Variants in ZNF280D observed in about 807,000 individuals in gnomAD.
ZNF280D encodes the protein zinc finger protein 280D.
A neutral mutation model predicts 94.7 loss-of-function variants in ZNF280D; 39 were observed. The observed-to-expected ratio is 0.41, with a 90% CI of 0.32 to 0.54. The LOEUF is 0.54. ZNF280D is among the 20% of genes least tolerant of loss of function. ZNF280D has a pLI of 0.22. For missense variants in ZNF280D, 1,090 were observed against 1,149.3 expected, an observed-to-expected ratio of 0.95 and a Z score of 0.75; for synonymous variants, 398 against 377.6, an observed-to-expected ratio of 1.05 and a Z score of -0.63.
chr15:56,675,766 G>A (rs1160652437), intron 13 of ZNF280D, among the ~76,000 whole-genome samples: 1 of 151,964 alleles, frequency 6.6e-6, no homozygotes, highest in Non-Finnish European at 1.5e-5. Flanking sequence ...ACAGCAAAGT[G>A]AGCACCAATG....
chr15:56,712,360 G>A (rs1168331803), intron 1 of ZNF280D, among the ~76,000 whole-genome samples: 2 of 151,644 alleles, frequency 1.3e-5, no homozygotes, highest in Non-Finnish European at 2.9e-5. Flanking sequence ...AAACGTTCAG[G>A]CTGGGCATAG....
In ZNF280D at chr15:56,654,373, A is replaced by G; in HGVS notation, c.2176+12T>C. 8.1e-6 allele frequency: 13 copies of G among 1,602,734 alleles called. No individual in the cohort carries two copies. Among genetic ancestry groups the G allele is most frequent in the Non-Finnish European group, 1.0e-5 (12 of 1,177,026 alleles). On this transcript the variant is annotated intron_variant, in intron 18 of 21. Transcript: ENST00000267807. ...GTCAAAAATCTAAAGTAGCACAGTT[A>G]CATATACGTACCTTTCTGCATTACA...
intron 20 of ZNF280D, among the ~76,000 whole-genome samples, chr15:56,641,216 T>A (rs2052611525): frequency 6.6e-6 from 1 of 152,036 alleles, no homozygotes; most frequent in African/African-American, 2.4e-5. Context: ...GTTCATCAAA[T>A]ACACTTTCAA....
rs564875648 is a variant in ZNF280D, at chr15:56,652,987, T to G, written c.2213+1211A>C. On this transcript the variant is annotated intron_variant, in intron 19 of 21. Transcript: ENST00000267807. Reference sequence around the variant, plus strand: ...ATCATAAAATAGACATTAATAAATTTTGAGAACATAAAACCAAGCTATTAA... The same window carrying G: ...ATCATAAAATAGACATTAATAAATTGTGAGAACATAAAACCAAGCTATTAA... 161 of 923,236 alleles carry G rather than the reference T, an allele frequency of 1.7e-4. 1 individual carries two copies. Among genetic ancestry groups the G allele is most frequent in the Middle Eastern group, 1.7e-3 (3 of 1,774 alleles). 57.2% of individuals were successfully genotyped at this position (923,236 alleles called of 1,614,324 possible). A position where few individuals can be genotyped will look rare whatever the true frequency, so the allele number is the denominator to read the frequency against.
intron 1 of ZNF280D, among the ~76,000 whole-genome samples, chr15:56,716,377 G>A (rs1314394243): frequency 6.6e-6 from 1 of 151,978 alleles, no homozygotes; most frequent in African/African-American, 2.4e-5. Flanking sequence ...TTGAAGAAAG[G>A]GTTGGAGTTA....
chr15:56,648,678 C>G (rs576837866), intron 19 of ZNF280D, among the ~76,000 whole-genome samples: 1 of 152,158 alleles, frequency 6.6e-6, no homozygotes, highest in Non-Finnish European at 1.5e-5. Context: ...CAGCTCATAT[C>G]TCACAAATAT....
chr15:56,667,113 AG>A, intron 14 of ZNF280D, 127 bp from the exon 15 acceptor site: 1 of 630,722 alleles, frequency 1.6e-6, no homozygotes. Context: ...CAATCAGGTA[AG>A]TCTCCCATTT....
chr15:56,669,582 T>C (rs2054533808), intron 13 of ZNF280D, among the ~76,000 whole-genome samples: 1 of 151,024 alleles, frequency 6.6e-6, no homozygotes, highest in South Asian at 2.1e-4. Flanking sequence ...TGTTTAACTT[T>C]AATTAATTTA....
chr15:56,733,374 C>A, intron 1 of ZNF280D, 84 bp downstream of exon 1: 1 of 829,220 alleles, frequency 1.2e-6, no homozygotes, highest in Non-Finnish European at 1.5e-6. Flanking sequence ...CAGTCCAGCG[C>A]CCCCGGAGTG....
chr15:56,656,850 G>T (rs2053581723), intron 17 of ZNF280D, among the ~76,000 whole-genome samples: 2 of 152,122 alleles, frequency 1.3e-5, no homozygotes, highest in African/African-American at 2.4e-5. Context: ...AGGAGATAGG[G>T]AATGCTGGGA....
chr15:56,694,115 G>A lies in ZNF280D; in HGVS notation c.382-900C>T, dbSNP rs550271843. Among the ~76,000 whole-genome samples the A allele has an allele frequency of 1.5e-4, 23 of 152,162 alleles. No homozygotes were observed. The South Asian group carries it at 4.4e-3, about 29-fold the overall frequency. On this transcript the variant is annotated intron_variant, in intron 6 of 21. Transcript: ENST00000267807. ...GAGAAAGGGTGGTCCAAACTAAAAGGAAGATCTTAAGAAGAGAGGAGTGAA... is the reference window on the plus strand; with the variant it reads ...GAGAAAGGGTGGTCCAAACTAAAAGAAAGATCTTAAGAAGAGAGGAGTGAA...
chr15:56,653,827 C>A, intron 19 of ZNF280D: 1 of 1,245,392 alleles, frequency 8.0e-7, no homozygotes, highest in Non-Finnish European at 1.0e-6. Flanking sequence ...TTTTAGACAG[C>A]GCAAACTGGA....
chr15:56,637,495 T>C (rs2052410180), intron 20 of ZNF280D, among the ~76,000 whole-genome samples: 2 of 152,132 alleles, frequency 1.3e-5, no homozygotes, highest in Admixed American at 1.3e-4. Flanking sequence ...CATAATGATG[T>C]TGAGACCATC....
Position 56,631,814 on chromosome 15 carries a change from C to A in ZNF280D, c.2624G>T (p.Arg875Ile), listed in dbSNP as rs2052088399. ...QIKDHNSSEARFSSKNIKDLR... is the reference protein window; with the variant it reads ...QIKDHNSSEAIFSSKNIKDLR... ...ATCCTTAATATTCTTTGAAGAAAAT[C>A]TGGCTTCACTGGAGTTGTGATCTTT... Residue 875 changes from arginine to isoleucine, a missense_variant, in exon 22 of 22, where the codon AGA (arginine) becomes ATA (isoleucine). Arg to Ile is a moderately conservative substitution (Grantham distance 97). Coordinates refer to ENST00000267807, the MANE Select transcript of ZNF280D (RefSeq NM_017661.4). 1.2e-6 allele frequency: 2 copies of A among 1,614,044 alleles called. No individual in the cohort carries two copies. The highest frequency in any genetic ancestry group is 1.7e-6 in the Non-Finnish European group (2 of 1,180,014).
Position 56,631,337 on chromosome 15 carries a change from G to A in ZNF280D, c.*161C>T. The stretch of plus-strand genomic sequence containing the variant: ...CTAATCATGCTATTATTGGTGAATT[G>A]ATTTGTTTGATAACATAGGTTGAAC... On this transcript the variant is annotated 3_prime_UTR_variant, in exon 22 of 22. Transcript: ENST00000267807. 1.4e-6 allele frequency: 1 copy of A among 704,062 alleles called. No individual in the cohort carries two copies. The highest frequency in any genetic ancestry group is 2.3e-6 in the Non-Finnish European group (1 of 433,496). 43.6% of individuals were successfully genotyped at this position (704,062 alleles called of 1,614,324 possible).
At chr15:56,653,561 C>A (rs1373330056) in intron 19 of ZNF280D, 8 of 1,511,672 alleles carry the variant, frequency 5.3e-6, no homozygotes, top group African/African-American at 1.4e-5. Flanking sequence ...TCCAGGTATA[C>A]CCTGGATATT....
chr15:56,672,230 G>A (rs2054915668), intron 13 of ZNF280D, among the ~76,000 whole-genome samples: 1 of 152,120 alleles, frequency 6.6e-6, no homozygotes, highest in Non-Finnish European at 1.5e-5. Flanking sequence ...AATAGGAGTG[G>A]TGAGAGAGGG....
chr15:56,693,928 C>A (rs771969037), intron 6 of ZNF280D, among the ~76,000 whole-genome samples: 1 of 152,152 alleles, frequency 6.6e-6, no homozygotes, highest in Non-Finnish European at 1.5e-5. Context: ...AATCTTCTGT[C>A]TTATCAGGCA....
At chr15:56,697,783 A>G (rs2056840773) in intron 6 of ZNF280D, 1 of 152,170 alleles carries the variant, frequency 6.6e-6, no homozygotes, top group Non-Finnish European at 1.5e-5. Context: ...TATTCATTTT[A>G]AAATAACAAA....
Sources: gnomAD v4.1 joint callset for allele counts (sites outside exome capture counted in the v4.1 genomes callset) on GRCh38, gnomAD v4.1.1 for gene constraint, MANE v1.5 for transcripts, NCBI Gene and HGNC (gene_info 2026-07-23, HGNC 2026-07-21) for gene names.